The following COL5A2 variants were observed in gnomAD, a reference collection of about 807,000 sequenced individuals.
COL5A2 encodes collagen type V alpha 2 chain.
A neutral mutation model predicts 208.2 loss-of-function variants in COL5A2; 23 were observed. The observed-to-expected ratio is 0.11, with a 90% CI of 0.08 to 0.16. The LOEUF is 0.16. Ranked by LOEUF, COL5A2 falls within the 10% of genes least tolerant of loss-of-function variation. The pLI, the probability that COL5A2 is intolerant of heterozygous loss-of-function variation, is 1.00. For synonymous variants in COL5A2, 625 were observed against 628.5 expected (o/e 0.99, Z 0.08); for missense variants, 1,590 against 1,956.4 (o/e 0.81, Z 3.53).
At chr2:189,322,418 G>A in the COL5A2 span, among the ~76,000 whole-genome samples, 1 of 151,896 alleles carries the variant, frequency 6.6e-6, no homozygotes, top group Non-Finnish European at 1.5e-5. Context: ...CAACAAAACT[G>A]ATACACTGCT....
chr2:189,438,190 T>TA, the COL5A2 span, among the ~76,000 whole-genome samples: 2,134 of 128,958 alleles, frequency 0.017, 54 homozygotes, highest in African/African-American at 0.053. Flanking sequence ...ATGGCTAAAA[T>TA]AAAAAAAAAA....
the COL5A2 span, among the ~76,000 whole-genome samples, chr2:189,236,148 T>C: frequency 6.6e-6 from 1 of 151,746 alleles, no homozygotes; most frequent in Admixed American, 6.6e-5. Context: ...ACTTGCACCA[T>C]GTTTCCTCTG....
At chr2:189,364,734 A>G in the COL5A2 span, among the ~76,000 whole-genome samples, 2 of 152,188 alleles carry the variant, frequency 1.3e-5, no homozygotes, top group African/African-American at 4.8e-5. Flanking sequence ...TGTGACACAT[A>G]AAGAACTTGA....
intron 1 of COL5A2, among the ~76,000 whole-genome samples, chr2:189,120,779 G>C (rs1418526660): frequency 1.3e-5 from 2 of 152,182 alleles, no homozygotes; most frequent in African/African-American, 4.8e-5. Flanking sequence ...ACAGTTTAGA[G>C]ATCCTCTGTG....
intron 6 of COL5A2, among the ~76,000 whole-genome samples, chr2:189,094,335 A>C (rs1203811864): frequency 6.6e-6 from 1 of 152,138 alleles, no homozygotes; most frequent in African/African-American, 2.4e-5. Context: ...GGAGCTCATT[A>C]AAAGTATCTA....
At chr2:189,111,649 C>G (rs1687264345) in intron 1 of COL5A2, among the ~76,000 whole-genome samples, 1 of 152,114 alleles carries the variant, frequency 6.6e-6, no homozygotes, top group Non-Finnish European at 1.5e-5. Context: ...ATTCACTCAG[C>G]CATTCATTCA....
At chr2:189,155,177 A>T (rs1194914725) in intron 1 of COL5A2, among the ~76,000 whole-genome samples, 1 of 151,810 alleles carries the variant, frequency 6.6e-6, no homozygotes, top group East Asian at 2.0e-4. Context: ...TTGTAGAGAC[A>T]GTATCTCACT....
the COL5A2 span, among the ~76,000 whole-genome samples, chr2:189,281,070 T>G: frequency 1.3e-5 from 2 of 152,090 alleles, no homozygotes; most frequent in Non-Finnish European, 2.9e-5. Context: ...TTGCACGTTG[T>G]GTGGTTAATT....
chr2:189,178,897 CAGCCTCTGTCATGGAGAAACAAACG>C (rs1688731980), intron 1 of COL5A2, among the ~76,000 whole-genome samples: 1 of 152,146 alleles, frequency 6.6e-6, no homozygotes. Context: ...TGGCTTCTAT[CAGCCTCTGTCATGGAGAAACAAACG>C]AGACTGCCTC....
intron 2 of COL5A2, among the ~76,000 whole-genome samples, chr2:189,109,359 T>C (rs1687214647): frequency 6.6e-6 from 1 of 152,146 alleles, no homozygotes; most frequent in Non-Finnish European, 1.5e-5. Context: ...CAAGGCACAT[T>C]GTTTCTGTTC....
the COL5A2 span, among the ~76,000 whole-genome samples, chr2:189,360,822 A>T: frequency 6.6e-6 from 1 of 151,392 alleles, no homozygotes; most frequent in African/African-American, 2.4e-5. Context: ...CCTTGTGTCC[A>T]TGTGTTCTCA....
intron 1 of COL5A2, among the ~76,000 whole-genome samples, chr2:189,192,453 C>T (rs1015028166): frequency 1.3e-5 from 2 of 152,160 alleles, no homozygotes; most frequent in Non-Finnish European, 2.9e-5. Flanking sequence ...ATAGGTCCTT[C>T]GAGCCCAATT....
chr2:189,135,939 G>A (rs1162407855), intron 1 of COL5A2, among the ~76,000 whole-genome samples: 1 of 152,196 alleles, frequency 6.6e-6, no homozygotes, highest in African/African-American at 2.4e-5. Flanking sequence ...TGAAACAAGA[G>A]AGTGTTATTG....
the COL5A2 span, among the ~76,000 whole-genome samples, chr2:189,237,041 T>A: frequency 1.1e-3 from 174 of 151,900 alleles, 1 homozygote; most frequent in African/African-American, 4.1e-3. Flanking sequence ...TTGTAAGGTC[T>A]TTCTTTTTTC....
intron 50 of COL5A2, 64 bp from the exon 51 acceptor site, chr2:189,039,627 C>T (rs1685517254): frequency 1.3e-6 from 2 of 1,534,088 alleles, no homozygotes; most frequent in South Asian, 2.4e-5. Flanking sequence ...ACTGGTAGAA[C>T]TTGGTTCATA....
intron 1 of COL5A2, among the ~76,000 whole-genome samples, chr2:189,143,400 T>G (rs552360483): frequency 1.3e-5 from 2 of 152,174 alleles, no homozygotes; most frequent in Non-Finnish European, 2.9e-5. Flanking sequence ...CTGTTTCTAA[T>G]GTTATTTCAG....
the COL5A2 span, among the ~76,000 whole-genome samples, chr2:189,284,294 T>C: frequency 6.6e-6 from 1 of 152,176 alleles, no homozygotes; most frequent in Non-Finnish European, 1.5e-5. Flanking sequence ...AGTATATTAG[T>C]CCATTCTCAA....
intron 1 of COL5A2, among the ~76,000 whole-genome samples, chr2:189,217,771 C>T (rs1329360597): frequency 1.3e-5 from 2 of 152,132 alleles, no homozygotes; most frequent in Non-Finnish European, 2.9e-5. Context: ...ATATCCTGTT[C>T]TCTCCCTAGC....
chr2:189,041,637 C>T lies in COL5A2; in HGVS notation c.3582G>A (p.Gly1194=), dbSNP rs140022057. Reference sequence around the variant, plus strand: ...CTCGTACACCTGGAGGTCCAATTGGCCCAAGTGGCCCAGGGTTTCCTTCTT... The same window carrying T: ...CTCGTACACCTGGAGGTCCAATTGGTCCAAGTGGCCCAGGGTTTCCTTCTT... ...SGKEGNPGPL[G]PIGPPGVRGS... is the part of the protein sequence containing the mutation. The change falls in exon 50 of 54, where the codon GGG becomes GGA. Residue 1194 remains glycine (G), a synonymous_variant. Coordinates refer to ENST00000374866, the MANE Select transcript of COL5A2 (RefSeq NM_000393.5). 1.1e-5 allele frequency: 18 copies of T among 1,614,092 alleles called. No homozygotes were observed. The highest frequency in any genetic ancestry group is 1.5e-5 in the Non-Finnish European group (18 of 1,179,962).
Sources: gnomAD v4.1 joint callset for allele counts (sites outside exome capture counted in the v4.1 genomes callset) on GRCh38, gnomAD v4.1.1 for gene constraint, MANE v1.5 for transcripts, NCBI Gene and HGNC (gene_info 2026-07-23, HGNC 2026-07-21) for gene names.